The following GALNT11 variants were observed in gnomAD, a reference collection of about 807,000 sequenced individuals.
GALNT11 encodes polypeptide N-acetylgalactosaminyltransferase 11.
GALNT11 carries 47 observed loss-of-function variants against 72.7 expected under a neutral mutation model. That is an observed-to-expected ratio of 0.65 (90% confidence interval 0.51 to 0.82). The LOEUF is 0.82. Ranked by LOEUF, GALNT11 falls within the 40% of genes least tolerant of loss-of-function variation. The pLI is 0.00. For missense variants in GALNT11, 677 were observed against 778.4 expected (o/e 0.87, Z 1.55); for synonymous variants, 270 against 286.6 (o/e 0.94, Z 0.58).
chr7:152,078,743 G>GT (rs891546984), intron 1 of GALNT11, among the ~76,000 whole-genome samples: 7 of 152,038 alleles, frequency 4.6e-5, no homozygotes, highest in Non-Finnish European at 8.8e-5. Context: ...TGAATTACAT[G>GT]TTTTTTTTAA....
intron 6 of GALNT11, among the ~76,000 whole-genome samples, chr7:152,109,349 C>T (rs1224891654): frequency 7.2e-5 from 11 of 152,234 alleles, no homozygotes; most frequent in Admixed American, 2.0e-4. Context: ...CAAGAACCTT[C>T]TGGCATTCAC....
At chr7:152,052,089 C>T (rs556603302) in intron 1 of GALNT11, among the ~76,000 whole-genome samples, 1 of 152,168 alleles carries the variant, frequency 6.6e-6, no homozygotes, top group South Asian at 2.1e-4. Flanking sequence ...TTCTAGATAC[C>T]TCATATAAGC....
intron 1 of GALNT11, among the ~76,000 whole-genome samples, chr7:152,057,004 A>ATTTTTTTTTTTTTTTTTTTT (rs71198754): frequency 1.3e-5 from 1 of 74,930 alleles, no homozygotes; most frequent in African/African-American, 4.7e-5. Context: ...ATGCCCAGCT[A>ATTTTTTTTTTTTTTTTTTTT]TTTTTTTTTT....
At chr7:152,056,671 C>T (rs1308598100) in intron 1 of GALNT11, among the ~76,000 whole-genome samples, 1 of 152,082 alleles carries the variant, frequency 6.6e-6, no homozygotes, top group Non-Finnish European at 1.5e-5. Context: ...AGACACACAC[C>T]AAACCCATGA....
intron 1 of GALNT11, among the ~76,000 whole-genome samples, chr7:152,089,663 G>A (rs978293203): frequency 1.3e-5 from 2 of 152,234 alleles, no homozygotes; most frequent in Admixed American, 1.3e-4. Flanking sequence ...GAACGTGCCC[G>A]TGAGCATGTC....
At chr7:152,100,700 A>G in intron 2 of GALNT11, 98 bp from the exon 3 acceptor site, 8 of 1,424,172 alleles carry the variant, frequency 5.6e-6, no homozygotes, top group Non-Finnish European at 7.7e-6. Context: ...TTAGATTATA[A>G]TAGGATAAAG....
chr7:152,103,022 A>C, intron 3 of GALNT11, 90 bp from the exon 4 acceptor site: 4 of 1,229,338 alleles, frequency 3.3e-6, no homozygotes, highest in East Asian at 2.4e-5. Context: ...AAGAGGGTGA[A>C]CAAGGGGACA....
chr7:152,073,670 T>C (rs1048832848), intron 1 of GALNT11, among the ~76,000 whole-genome samples: 4 of 152,236 alleles, frequency 2.6e-5, no homozygotes, highest in African/African-American at 9.6e-5. Context: ...GTAGTGGGAT[T>C]GCTGGTTCAT....
chr7:152,097,784 A>G (rs1206191046), intron 2 of GALNT11, among the ~76,000 whole-genome samples: 2 of 152,238 alleles, frequency 1.3e-5, no homozygotes, highest in African/African-American at 4.8e-5. Context: ...TTTATGTGAA[A>G]TGTCTAGAAT....
At chr7:152,078,442 C>A (rs1366263365) in intron 1 of GALNT11, among the ~76,000 whole-genome samples, 1 of 152,126 alleles carries the variant, frequency 6.6e-6, no homozygotes, top group South Asian at 2.1e-4. Context: ...CTCAGATGAT[C>A]CACCCGCCTC....
At chr7:152,060,709 T>C (rs1224902501) in intron 1 of GALNT11, among the ~76,000 whole-genome samples, 1 of 151,262 alleles carries the variant, frequency 6.6e-6, no homozygotes, top group Non-Finnish European at 1.5e-5. Context: ...CACCTATGAG[T>C]GAGAACATGC....
At chr7:152,097,197 T>C (rs947492106) in intron 2 of GALNT11, among the ~76,000 whole-genome samples, 6 of 152,180 alleles carry the variant, frequency 3.9e-5, no homozygotes, top group African/African-American at 1.4e-4. Context: ...AAGGATTTGA[T>C]AGACATTTCT....
intron 1 of GALNT11, among the ~76,000 whole-genome samples, chr7:152,085,560 T>G (rs141962758): frequency 6.7e-6 from 1 of 148,968 alleles, no homozygotes; most frequent in Non-Finnish European, 1.5e-5. Flanking sequence ...AAAGATTTTG[T>G]TGTGTAGATA....
chr7:152,084,153 T>C (rs1483852900), intron 1 of GALNT11, among the ~76,000 whole-genome samples: 1 of 152,062 alleles, frequency 6.6e-6, no homozygotes, highest in Non-Finnish European at 1.5e-5. Flanking sequence ...TTTTTTTCTT[T>C]GGTGTTTTTA....
intron 1 of GALNT11, among the ~76,000 whole-genome samples, chr7:152,088,739 T>C (rs577115153): frequency 6.6e-6 from 1 of 152,210 alleles, no homozygotes; most frequent in Non-Finnish European, 1.5e-5. Flanking sequence ...GAAATGTTTT[T>C]ATGATAGTTT....
rs1384210123 is a variant in GALNT11, at chr7:152,094,818, T to C, written c.295+296T>C. Among the ~76,000 whole-genome samples the C allele has an allele frequency of 6.6e-6, 1 of 152,188 alleles. No homozygotes were observed. The highest frequency in any genetic ancestry group is 1.5e-5 in the Non-Finnish European group (1 of 68,038). On this transcript the variant is annotated intron_variant, in intron 2 of 11. Coordinates refer to ENST00000430044, the MANE Select transcript of GALNT11 (RefSeq NM_022087.4). This position sits in a 1 kb window ranked among gnomAD's most constrained non-coding sequence, Gnocchi z 4.3. ...GAGAAGGGGTTTGTTTTTTGTTTGT[T>C]TTTTTAAGAGATGGGGTCTCACCAT...
chr7:152,113,712 CTTTTTTT>C (rs6150397), intron 8 of GALNT11, among the ~76,000 whole-genome samples: 15 of 96,982 alleles, frequency 1.5e-4, no homozygotes, highest in Non-Finnish European at 2.4e-4. Flanking sequence ...AGTTGGCTTT[CTTTTTTT>C]TTTTTTTTTT....
intron 1 of GALNT11, among the ~76,000 whole-genome samples, chr7:152,067,188 A>G (rs2084360349): frequency 6.6e-6 from 1 of 152,194 alleles, no homozygotes; most frequent in Non-Finnish European, 1.5e-5. Context: ...TCATCATACC[A>G]TATTAAGGAT....
At chr7:152,076,061 C>CAAAA (rs71198757) in intron 1 of GALNT11, among the ~76,000 whole-genome samples, 31 of 71,316 alleles carry the variant, frequency 4.3e-4, no homozygotes, top group African/African-American at 8.0e-4. Context: ...GACTCCGTCT[C>CAAAA]AAAAAAAAAA....
Sources: gnomAD v4.1 joint callset for allele counts (sites outside exome capture counted in the v4.1 genomes callset) on GRCh38, gnomAD v4.1.1 for gene constraint, Gnocchi (gnomAD v3.1) non-coding constraint, MANE v1.5 for transcripts, NCBI Gene and HGNC (gene_info 2026-07-23, HGNC 2026-07-21) for gene names.